GALNT17: variants seen among roughly 807,000 people sequenced by gnomAD.
GALNT17 encodes UDP-GalNAc:polypeptide N-acetylgalactosaminyltransferase-like 3.
Under a neutral mutation model 63.7 loss-of-function variants are expected in GALNT17, and 29 were observed. The observed-to-expected ratio is 0.46, with a 90% CI of 0.34 to 0.62. GALNT17 has a LOEUF of 0.62. Ranked by LOEUF, GALNT17 falls within the 20% of genes least tolerant of loss-of-function variation. The pLI, the probability that GALNT17 is intolerant of heterozygous loss-of-function variation, is 0.01. For missense variants in GALNT17, 603 were observed against 799.6 expected (o/e 0.75, Z 2.97); for synonymous variants, 305 against 318.3 (o/e 0.96, Z 0.45).
At chr7:71,336,688 C>T (rs1378093253) in intron 2 of GALNT17, among the ~76,000 whole-genome samples, 5 of 152,168 alleles carry the variant, frequency 3.3e-5, no homozygotes, top group Admixed American at 2.6e-4. Context: ...TTTATGGCTG[C>T]GTAGTATTCC....
intron 5 of GALNT17, among the ~76,000 whole-genome samples, chr7:71,456,216 A>G (rs965398216): frequency 6.6e-6 from 1 of 152,104 alleles, no homozygotes; most frequent in Admixed American, 6.5e-5. Flanking sequence ...ACTGCACGCC[A>G]GCCTTGGTAA....
At chr7:71,224,985 T>G (rs1248216959) in intron 1 of GALNT17, among the ~76,000 whole-genome samples, 1 of 152,202 alleles carries the variant, frequency 6.6e-6, no homozygotes, top group Non-Finnish European at 1.5e-5. Flanking sequence ...TTATTTTTTT[T>G]CTTTTTGAGA....
chr7:71,134,835 G>GTTTTTTTTTTTTT (rs561383417), intron 1 of GALNT17, among the ~76,000 whole-genome samples: 1 of 57,888 alleles, frequency 1.7e-5, no homozygotes, highest in Non-Finnish European at 2.9e-5. Flanking sequence ...TTGTTTTATG[G>GTTTTTTTTTTTTT]TTTTTTTTTT....
At chr7:71,463,589 C>T (rs986087174) in intron 5 of GALNT17, among the ~76,000 whole-genome samples, 2 of 152,166 alleles carry the variant, frequency 1.3e-5, no homozygotes, top group African/African-American at 4.8e-5. Context: ...GTGGCATGGG[C>T]TGCTAGACTG....
intron 5 of GALNT17, among the ~76,000 whole-genome samples, chr7:71,481,458 GAAAAA>G (rs1405496536): frequency 3.9e-5 from 6 of 152,062 alleles, no homozygotes; most frequent in Non-Finnish European, 7.4e-5. Flanking sequence ...TCAAAAAAAA[GAAAAA>G]GGCTGCATGT....
chr7:71,627,340 G>T (rs1330946399), intron 6 of GALNT17, among the ~76,000 whole-genome samples: 2 of 152,208 alleles, frequency 1.3e-5, no homozygotes, highest in Non-Finnish European at 2.9e-5. Context: ...GATTGCTTGA[G>T]CCCAGGAGTT....
chr7:71,148,860 T>TTTTATATA (rs768189844), intron 1 of GALNT17, among the ~76,000 whole-genome samples: 2 of 103,260 alleles, frequency 1.9e-5, no homozygotes, highest in East Asian at 2.8e-4. Flanking sequence ...TATGGTATTT[T>TTTTATATA]TATATATATA....
intron 1 of GALNT17, among the ~76,000 whole-genome samples, chr7:71,167,907 G>A (rs1014071088): frequency 2.0e-5 from 3 of 152,146 alleles, no homozygotes; most frequent in South Asian, 4.1e-4. Context: ...TGACCTCAGG[G>A]GATTCACCCT....
At chr7:71,385,260 A>G (rs1792919922) in intron 2 of GALNT17, among the ~76,000 whole-genome samples, 1 of 152,028 alleles carries the variant, frequency 6.6e-6, no homozygotes, top group African/African-American at 2.4e-5. Flanking sequence ...CCAAGAGACA[A>G]GGGCTGGAGG....
intron 6 of GALNT17, among the ~76,000 whole-genome samples, chr7:71,574,504 A>G (rs771733766): frequency 1.3e-5 from 2 of 152,162 alleles, no homozygotes; most frequent in African/African-American, 2.4e-5. Context: ...TTAACTTTCC[A>G]TAGACCACAT....
intron 6 of GALNT17, among the ~76,000 whole-genome samples, chr7:71,660,967 C>T (rs1483768272): frequency 2.0e-5 from 3 of 152,188 alleles, no homozygotes; most frequent in African/African-American, 4.8e-5. Flanking sequence ...ACAGCCATGC[C>T]GCCACTTGGA....
chr7:71,648,799 G>A (rs1790716477), intron 6 of GALNT17, among the ~76,000 whole-genome samples: 1 of 152,138 alleles, frequency 6.6e-6, no homozygotes, highest in East Asian at 1.9e-4. Context: ...AGGCAACCGT[G>A]AGACCTAGCC....
intron 6 of GALNT17, among the ~76,000 whole-genome samples, chr7:71,604,839 A>G (rs1189602559): frequency 6.6e-6 from 1 of 152,102 alleles, no homozygotes; most frequent in Non-Finnish European, 1.5e-5. Flanking sequence ...CTGGTCCTCT[A>G]ATCTAATGCT....
intron 9 of GALNT17, among the ~76,000 whole-genome samples, chr7:71,690,019 C>CTTTTT (rs36049127): frequency 7.7e-5 from 11 of 142,826 alleles, no homozygotes; most frequent in Non-Finnish European, 1.2e-4. Flanking sequence ...TACTGAATAT[C>CTTTTT]TTTTTTTTTT....
At chr7:71,250,558 G>GC (rs1357128675) in intron 1 of GALNT17, among the ~76,000 whole-genome samples, 1 of 152,072 alleles carries the variant, frequency 6.6e-6, no homozygotes, top group Admixed American at 6.6e-5. Context: ...CTGTAAGCTC[G>GC]CCCCAAAACC....
chr7:71,571,885 T>G (rs890657034), intron 6 of GALNT17, among the ~76,000 whole-genome samples: 6 of 151,942 alleles, frequency 3.9e-5, no homozygotes, highest in Non-Finnish European at 7.4e-5. Context: ...TGATGGTGCA[T>G]GTCTGTGTCC....
At chr7:71,238,307 G>C (rs71549395) in intron 1 of GALNT17, among the ~76,000 whole-genome samples, 1 of 152,294 alleles carries the variant, frequency 6.6e-6, no homozygotes, top group African/African-American at 2.4e-5. Flanking sequence ...GAGGGGTTGG[G>C]AAAGAGGTCT....
intron 2 of GALNT17, among the ~76,000 whole-genome samples, chr7:71,385,163 C>G (rs1008450196): frequency 6.6e-6 from 1 of 152,088 alleles, no homozygotes; most frequent in Non-Finnish European, 1.5e-5. Context: ...GCCTGCAGAT[C>G]AGCCACACAG....
intron 5 of GALNT17, among the ~76,000 whole-genome samples, chr7:71,467,118 C>T (rs971902873): frequency 5.3e-5 from 8 of 152,196 alleles, no homozygotes; most frequent in African/African-American, 1.9e-4. Context: ...CTTCTTTTAT[C>T]TCAAGGTTGC....
Sources: gnomAD v4.1 joint callset for allele counts (sites outside exome capture counted in the v4.1 genomes callset) on GRCh38, gnomAD v4.1.1 for gene constraint, MANE v1.5 for transcripts, NCBI Gene and HGNC (gene_info 2026-07-23, HGNC 2026-07-21) for gene names.